VWC2: variants seen among roughly 807,000 people sequenced by gnomAD.
VWC2 encodes von Willebrand factor C domain containing 2, also known as brorin.
A neutral mutation model predicts 29.8 loss-of-function variants in VWC2; 14 were observed. The observed-to-expected ratio is 0.47, with a 90% CI of 0.31 to 0.74. The LOEUF is 0.74. Ranked by LOEUF, VWC2 falls within the 30% of genes least tolerant of loss-of-function variation. The pLI, the probability that VWC2 is intolerant of heterozygous loss-of-function variation, is 0.05. For missense variants in VWC2, 457 were observed against 459.8 expected (o/e 0.99, Z 0.05); for synonymous variants, 213 against 199.0 (o/e 1.07, Z -0.59).
At chr7:49,797,030 A>G (rs904470784) in intron 2 of VWC2, among the ~76,000 whole-genome samples, 1 of 152,226 alleles carries the variant, frequency 6.6e-6, no homozygotes, top group Non-Finnish European at 1.5e-5. Flanking sequence ...AATAGATTCA[A>G]TATTTATTTT....
intron 3 of VWC2, among the ~76,000 whole-genome samples, chr7:49,835,278 G>A (rs1372239662): frequency 2.0e-5 from 3 of 152,288 alleles, no homozygotes; most frequent in Admixed American, 2.0e-4. Flanking sequence ...AGTTCAAGGA[G>A]GAATGAGAGG....
At chr7:49,845,525 A>G (rs1337248926) in intron 3 of VWC2, among the ~76,000 whole-genome samples, 1 of 152,234 alleles carries the variant, frequency 6.6e-6, no homozygotes, top group African/African-American at 2.4e-5. Flanking sequence ...TATATCTGAG[A>G]GAGAGAGGCA....
intron 3 of VWC2, among the ~76,000 whole-genome samples, chr7:49,880,617 G>A (rs942794052): frequency 1.3e-5 from 2 of 150,552 alleles, no homozygotes; most frequent in Non-Finnish European, 1.5e-5. Flanking sequence ...TATACTTTAA[G>A]TTCTAGGGTA....
At chr7:49,812,205 G>C (rs777916904) in intron 3 of VWC2, among the ~76,000 whole-genome samples, 1 of 152,128 alleles carries the variant, frequency 6.6e-6, no homozygotes, top group Admixed American at 6.6e-5. Flanking sequence ...TGAGGTGATG[G>C]TATGTTTATT....
At chr7:49,877,094 G>A (rs1171374947) in intron 3 of VWC2, among the ~76,000 whole-genome samples, 1 of 152,100 alleles carries the variant, frequency 6.6e-6, no homozygotes, top group East Asian at 1.9e-4. Flanking sequence ...TGCTGTAGTG[G>A]TGTGAGAATC....
At chr7:49,865,275 A>C (rs1400229895) in intron 3 of VWC2, among the ~76,000 whole-genome samples, 1 of 152,188 alleles carries the variant, frequency 6.6e-6, no homozygotes. Flanking sequence ...TGATCTCTGA[A>C]ATCTGAGTAC....
intron 3 of VWC2, among the ~76,000 whole-genome samples, chr7:49,889,487 G>C (rs1302235283): frequency 2.0e-5 from 3 of 152,188 alleles, no homozygotes. Flanking sequence ...ACAAAATCAG[G>C]GCAGCTAAGA....
chr7:49,795,724 G>C (rs775068398), intron 2 of VWC2, among the ~76,000 whole-genome samples: 8 of 152,132 alleles, frequency 5.3e-5, no homozygotes, highest in Non-Finnish European at 1.2e-4. Flanking sequence ...TTTAGATCTT[G>C]TGTCTTTCCA....
At chr7:49,849,763 TGA>T (rs1175544931) in intron 3 of VWC2, among the ~76,000 whole-genome samples, 1 of 152,204 alleles carries the variant, frequency 6.6e-6, no homozygotes, top group Non-Finnish European at 1.5e-5. Flanking sequence ...TTCTGCTCTC[TGA>T]GAGTCTGACT....
intron 1 of VWC2, among the ~76,000 whole-genome samples, chr7:49,774,396 C>T (rs924830008): frequency 3.9e-5 from 6 of 152,274 alleles, no homozygotes; most frequent in African/African-American, 1.2e-4. Flanking sequence ...GGGAGTGAGG[C>T]GGAGAGAGGC....
intron 3 of VWC2, among the ~76,000 whole-genome samples, chr7:49,890,089 C>T (rs1183415704): frequency 5.3e-5 from 8 of 152,120 alleles, no homozygotes; most frequent in Admixed American, 1.3e-4. Context: ...CTCAATTTCC[C>T]ACCTCACATT....
At chr7:49,786,756 T>C (rs1788308481) in intron 2 of VWC2, among the ~76,000 whole-genome samples, 2 of 152,258 alleles carry the variant, frequency 1.3e-5, no homozygotes, top group Admixed American at 1.3e-4. Context: ...TGTTATCATA[T>C]GCTTGTTGGC....
chr7:49,790,073 T>A (rs969144930), intron 2 of VWC2, among the ~76,000 whole-genome samples: 8 of 152,248 alleles, frequency 5.3e-5, no homozygotes, highest in Non-Finnish European at 1.2e-4. Context: ...TTCCTCATTC[T>A]CCTCCTAGCT....
At chr7:49,816,981 C>G (rs1204920785) in intron 3 of VWC2, among the ~76,000 whole-genome samples, 1 of 152,200 alleles carries the variant, frequency 6.6e-6, no homozygotes, top group Non-Finnish European at 1.5e-5. Context: ...CCATTGGCCC[C>G]CTGGGACTCC....
rs1204397071 is a variant in VWC2 at position 49,872,918 on chromosome 7, A to G, written c.827-39116A>G. ...GAGACAGAGCAAGACTTTGTCTCAA[A>G]AAAAAAAAAAAAAAAAAAAGAAAGA... On this transcript the variant is annotated intron_variant, in intron 3 of 3. Transcript: ENST00000340652. Among the ~76,000 whole-genome samples the G allele has an allele frequency of 1.0e-3, 153 of 147,354 alleles. 1 individual carries two copies. Among genetic ancestry groups the G allele is most frequent in the African/African-American group, 3.7e-3 (149 of 40,278 alleles).
At chr7:49,817,230 A>C (rs529532143) in intron 3 of VWC2, among the ~76,000 whole-genome samples, 28 of 152,254 alleles carry the variant, frequency 1.8e-4, no homozygotes, top group Non-Finnish European at 3.7e-4. Flanking sequence ...GGTCATTAAT[A>C]CAGTGCTCTA....
intron 3 of VWC2, among the ~76,000 whole-genome samples, chr7:49,841,925 G>A (rs1159316706): frequency 1.3e-5 from 2 of 151,918 alleles, no homozygotes; most frequent in African/African-American, 4.8e-5. Context: ...GCAGTGCAAT[G>A]GCGTGATCTC....
intron 3 of VWC2, among the ~76,000 whole-genome samples, chr7:49,816,249 CA>C (rs1319294267): frequency 6.6e-6 from 1 of 152,070 alleles, no homozygotes; most frequent in Non-Finnish European, 1.5e-5. Context: ...AATGACAAGC[CA>C]AAGAAGGGAT....
chr7:49,780,663 C>T (rs968454663), intron 2 of VWC2, among the ~76,000 whole-genome samples: 6 of 151,994 alleles, frequency 3.9e-5, no homozygotes, highest in South Asian at 2.1e-4. Flanking sequence ...TTATCGTAGC[C>T]GATCAGGAGC....
Sources: allele counts gnomAD v4.1 joint callset (sites outside exome capture counted in the v4.1 genomes callset), GRCh38; gene constraint gnomAD v4.1.1; transcripts MANE v1.5; gene names NCBI Gene and HGNC (gene_info 2026-07-23, HGNC 2026-07-21).